Variants in LAMA3 observed in about 807,000 individuals in gnomAD.
The protein encoded by LAMA3 is laminin subunit alpha 3, also known as laminin subunit alpha-3.
A neutral mutation model predicts 402.0 loss-of-function variants in LAMA3; 281 were observed. The observed-to-expected ratio is 0.70, with a 90% CI of 0.63 to 0.77. The LOEUF is 0.77. LAMA3 is among the 30% of genes least tolerant of loss of function. The probability of loss-of-function intolerance (pLI) is 0.00; values close to 1 mark genes in which losing one functional copy is unlikely to be tolerated. For synonymous variants in LAMA3, 1,431 were observed against 1,558.4 expected, an observed-to-expected ratio of 0.92 and a Z score of 1.93; for missense variants, 3,840 against 4,215.5, an observed-to-expected ratio of 0.91 and a Z score of 2.47.
At chr18:23,809,535 A>G (rs1231258175) in intron 12 of LAMA3, among the ~76,000 whole-genome samples, 1 of 152,130 alleles carries the variant, frequency 6.6e-6, no homozygotes, top group African/African-American at 2.4e-5. Context: ...GGTTTTTGCA[A>G]TGCAAATGGG....
At chr18:23,691,758 G>C (rs2060592443) in intron 1 of LAMA3, among the ~76,000 whole-genome samples, 1 of 152,192 alleles carries the variant, frequency 6.6e-6, no homozygotes, top group African/African-American at 2.4e-5. Context: ...CTTTTGTAGA[G>C]ACAAGGTTTT....
intron 33 of LAMA3, 85 bp downstream of exon 33, chr18:23,858,073 G>A: frequency 1.3e-6 from 2 of 1,511,432 alleles, no homozygotes; most frequent in Non-Finnish European, 1.8e-6. Context: ...AAAGTATGTG[G>A]GAAATGGGAC....
rs777713989 is a variant in LAMA3, at chr18:23,912,756, C to T, written c.7204C>T (p.Arg2402Ter). ...CAATGGTAAATCTGGAGTCGAAGTC[C>T]GACTGCCAAATGACCTGGAAGATTT... ...RFNGKSGVEV[R>*]LPNDLEDLKG... The change falls in exon 56 of 75, where the codon CGA becomes TGA. Residue 2402 changes from arginine (R) to a stop codon, truncating the protein, a stop_gained. Transcript: ENST00000313654. LOFTEE classifies it high-confidence loss of function. 9 of 1,613,914 alleles carry T rather than the reference C, an allele frequency of 5.6e-6. No individual in the cohort carries two copies. The highest frequency in any genetic ancestry group is 7.6e-6 in the Non-Finnish European group (9 of 1,179,928).
rs1598733718 is a variant in LAMA3, at chr18:23,758,492, G to T, written c.1044G>T (p.Glu348Asp). Residue 348 changes from glutamate to aspartate, a missense_variant, in exon 7 of 75, where the codon GAG becomes GAT. By Grantham distance (45) the Glu-to-Asp change is conservative (BLOSUM62 2). Around this residue, in one of 3 missense-constraint regions of LAMA3, gnomAD observed 2,109 missense variants for 2,376.0 expected, o/e 0.89. Transcript: ENST00000313654. Reference protein sequence around the residue: ...NQRRWRPAAWEQSHECEACNC... With the variant: ...NQRRWRPAAWDQSHECEACNC... The stretch of plus-strand genomic sequence containing the variant: ...GGCGCTGGCGGCCCGCCGCTTGGGA[G>T]CAGAGCCACGAGTGTGAAGGTGGGT... The T allele has an allele frequency of 6.2e-7, 1 of 1,613,960 alleles. No individual in the cohort carries two copies. Among genetic ancestry groups the T allele is most frequent in the East Asian group, 2.2e-5 (1 of 44,878 alleles).
At chr18:23,902,042 G>C (rs2081087871) in intron 48 of LAMA3, among the ~76,000 whole-genome samples, 1 of 152,224 alleles carries the variant, frequency 6.6e-6, no homozygotes, top group Non-Finnish European at 1.5e-5. Flanking sequence ...AAACAATGAG[G>C]CCAGGTGCAA....
chr18:23,778,344 C>T (rs1598773352), intron 11 of LAMA3, among the ~76,000 whole-genome samples: 1 of 152,254 alleles, frequency 6.6e-6, no homozygotes, highest in Admixed American at 6.5e-5. Context: ...TTTCTTGGAG[C>T]TTATATTCCT....
chr18:23,779,126 G>A (rs1246691725), intron 11 of LAMA3, among the ~76,000 whole-genome samples: 4 of 152,152 alleles, frequency 2.6e-5, no homozygotes, highest in Non-Finnish European at 5.9e-5. Context: ...GGTAGGAAGG[G>A]AAGGCATCAG....
chr18:23,857,350 G>A (rs1022192975), intron 32 of LAMA3, among the ~76,000 whole-genome samples: 1 of 152,226 alleles, frequency 6.6e-6, no homozygotes, highest in Non-Finnish European at 1.5e-5. Context: ...CCATGCTTGT[G>A]TTGTTCCCTG....
rs1383641437 is a variant in LAMA3 at position 23,810,502 on chromosome 18, A to G, written c.1740A>G (p.Gln580=). Reference sequence around the variant, plus strand: ...GAGCTTATGATTTCCCCCACTGCCAAGGTAGGAAAGTCAGCAGATTGCTAG... The same window carrying G: ...GAGCTTATGATTTCCCCCACTGCCAGGGTAGGAAAGTCAGCAGATTGCTAG... The part of the protein sequence containing the change: ...LSGAYDFPHC[Q]GSSSACDPAG... The change falls in exon 13 of 75, where the codon CAA becomes CAG. Residue 580 remains glutamine, a splice_region_variant and synonymous_variant. Transcript: ENST00000313654. 6.2e-7 allele frequency: 1 copy of G among 1,613,844 alleles called. No individual in the cohort carries two copies. The highest frequency in any genetic ancestry group is 1.3e-5 in the African/African-American group (1 of 74,880).
intron 30 of LAMA3, among the ~76,000 whole-genome samples, chr18:23,845,785 G>T (rs184745234): frequency 6.6e-6 from 1 of 152,298 alleles, no homozygotes; most frequent in Non-Finnish European, 1.5e-5. Context: ...GCAGCCTTGG[G>T]AATGTCACCT....
chr18:23,884,999 C>A, intron 41 of LAMA3, 146 bp downstream of exon 41: 1 of 590,000 alleles, frequency 1.7e-6, no homozygotes, highest in Non-Finnish European at 3.0e-6. Flanking sequence ...AAATACAAGA[C>A]TGCTCACCTA....
intron 10 of LAMA3, 106 bp downstream of exon 10, chr18:23,776,029 A>G (rs760398787): frequency 1.7e-6 from 2 of 1,190,078 alleles, no homozygotes; most frequent in African/African-American, 3.0e-5. Flanking sequence ...AGAGACAGAA[A>G]TGGGGCCAGG....
At chr18:23,714,858 C>T (rs191342392) in intron 2 of LAMA3, among the ~76,000 whole-genome samples, 1 of 152,270 alleles carries the variant, frequency 6.6e-6, no homozygotes, top group East Asian at 1.9e-4. Context: ...TCGCAGCCAA[C>T]ATTCTACTTC....
chr18:23,841,356 G>T (rs1425673592), intron 27 of LAMA3, among the ~76,000 whole-genome samples: 3 of 152,174 alleles, frequency 2.0e-5, no homozygotes, highest in Non-Finnish European at 2.9e-5. Flanking sequence ...GGGAGAGAGG[G>T]CTTGTACTCG....
At chr18:23,844,526 A>G (rs956819609) in intron 29 of LAMA3, among the ~76,000 whole-genome samples, 1 of 152,188 alleles carries the variant, frequency 6.6e-6, no homozygotes, top group African/African-American at 2.4e-5. Context: ...CTCTGAGTAG[A>G]AGTTCCAAGG....
intron 2 of LAMA3, among the ~76,000 whole-genome samples, chr18:23,735,049 G>A (rs1356301014): frequency 1.3e-5 from 2 of 152,224 alleles, no homozygotes; most frequent in Non-Finnish European, 2.9e-5. Context: ...GCTAACAAGA[G>A]TGAGTTAAAG....
At chr18:23,878,650 C>T (rs2064801798) in intron 39 of LAMA3, among the ~76,000 whole-genome samples, 2 of 152,216 alleles carry the variant, frequency 1.3e-5, no homozygotes, top group Admixed American at 1.3e-4. Flanking sequence ...AGAGGAAATC[C>T]AGTATATTTG....
At chr18:23,812,980 C>A in intron 13 of LAMA3, 77 bp from the exon 14 acceptor site, 1 of 1,001,162 alleles carries the variant, frequency 1.0e-6, no homozygotes, top group Non-Finnish European at 1.6e-6. Flanking sequence ...GAAAACAAAA[C>A]GTTTAAAACT....
intron 9 of LAMA3, among the ~76,000 whole-genome samples, chr18:23,775,583 C>T (rs189635176): frequency 1.0e-3 from 151 of 151,682 alleles, no homozygotes; most frequent in Middle Eastern, 3.4e-3. Flanking sequence ...TCTGTGTGGA[C>T]GCTCATTACA....
Sources: gnomAD v4.1 joint callset for allele counts (sites outside exome capture counted in the v4.1 genomes callset) on GRCh38, gnomAD v4.1.1 for gene constraint, gnomAD v4.1.1 regional missense constraint, MANE v1.5 for transcripts, NCBI Gene and HGNC (gene_info 2026-07-23, HGNC 2026-07-21) for gene names.